GABRB1: variants seen among roughly 807,000 people sequenced by gnomAD.
GABRB1 encodes the protein gamma-aminobutyric acid type A receptor subunit beta1.
In GABRB1, 17 loss-of-function variants were observed where a neutral mutation model predicts 51.6. The observed-to-expected ratio is 0.33, with a 90% CI of 0.23 to 0.49. The LOEUF is 0.49. GABRB1 is among the 20% of genes least tolerant of loss of function. The probability of loss-of-function intolerance (pLI) is 0.99; values close to 1 mark genes in which losing one functional copy is unlikely to be tolerated. For synonymous variants in GABRB1, 247 were observed against 218.9 expected (o/e 1.13, Z -1.14); for missense variants, 410 against 600.6 (o/e 0.68, Z 3.32).
intron 4 of GABRB1, among the ~76,000 whole-genome samples, chr4:47,314,489 T>C (rs950216550): frequency 6.6e-6 from 1 of 152,070 alleles, no homozygotes; most frequent in Non-Finnish European, 1.5e-5. Flanking sequence ...ACTAACCAGA[T>C]GACATTTTTT....
chr4:47,198,219 A>G (rs1486580195), intron 4 of GABRB1, among the ~76,000 whole-genome samples: 1 of 152,188 alleles, frequency 6.6e-6, no homozygotes, highest in East Asian at 1.9e-4. Flanking sequence ...GAGCTGAAGA[A>G]GAATTTTGTG....
At chr4:47,227,682 G>A (rs2109831805) in intron 4 of GABRB1, among the ~76,000 whole-genome samples, 1 of 152,180 alleles carries the variant, frequency 6.6e-6, no homozygotes, top group Middle Eastern at 3.4e-3. Flanking sequence ...GTTACATGAG[G>A]GGCTGTCTTA....
intron 4 of GABRB1, among the ~76,000 whole-genome samples, chr4:47,309,110 A>G (rs530894814): frequency 1.8e-4 from 28 of 152,266 alleles, no homozygotes; most frequent in African/African-American, 6.5e-4. Context: ...CTTACACTTC[A>G]TAGACATATG....
chr4:47,106,000 G>A (rs1030481231), intron 3 of GABRB1, among the ~76,000 whole-genome samples: 2 of 152,076 alleles, frequency 1.3e-5, no homozygotes, highest in East Asian at 3.9e-4. Context: ...CCTCTCATTA[G>A]AGGTGCCTAC....
intron 3 of GABRB1, among the ~76,000 whole-genome samples, chr4:47,077,923 T>C (rs1442658843): frequency 2.3e-5 from 3 of 129,564 alleles, no homozygotes; most frequent in Non-Finnish European, 3.2e-5. Context: ...TTATATATTT[T>C]ATATATATTA....
chr4:47,361,194 C>T (rs1264786831), intron 5 of GABRB1, among the ~76,000 whole-genome samples: 1 of 151,934 alleles, frequency 6.6e-6, no homozygotes, highest in Non-Finnish European at 1.5e-5. Context: ...AACAAAACAA[C>T]TAAAAAAGGA....
intron 3 of GABRB1, among the ~76,000 whole-genome samples, chr4:47,077,849 TA>T (rs1162158931): frequency 1.4e-5 from 2 of 141,086 alleles, no homozygotes; most frequent in Non-Finnish European, 3.0e-5. Context: ...ATTTTATATA[TA>T]TTTTTATATA....
chr4:47,224,357 C>A (rs770960096), intron 4 of GABRB1, among the ~76,000 whole-genome samples: 2 of 151,886 alleles, frequency 1.3e-5, no homozygotes, highest in Non-Finnish European at 2.9e-5. Context: ...ACTTTATTCA[C>A]GACTATTGCA....
intron 4 of GABRB1, among the ~76,000 whole-genome samples, chr4:47,295,841 T>G (rs1382099067): frequency 1.3e-5 from 2 of 152,036 alleles, no homozygotes; most frequent in South Asian, 2.1e-4. Flanking sequence ...GGAAAAAATG[T>G]TAAGGGTAGC....
intron 1 of GABRB1, among the ~76,000 whole-genome samples, chr4:47,020,310 T>C (rs906814464): frequency 1.2e-4 from 19 of 152,170 alleles, no homozygotes; most frequent in African/African-American, 4.6e-4. Context: ...AGGATAGGTC[T>C]TCAACTTATG....
chr4:47,375,350 T>A (rs1193486764), intron 5 of GABRB1, among the ~76,000 whole-genome samples: 1 of 152,160 alleles, frequency 6.6e-6, no homozygotes, highest in Admixed American at 6.5e-5. Context: ...AGGAAAACAA[T>A]CATGAATAAA....
At chr4:47,288,515 G>C (rs747767316) in intron 4 of GABRB1, among the ~76,000 whole-genome samples, 6 of 152,066 alleles carry the variant, frequency 3.9e-5, no homozygotes, top group Non-Finnish European at 8.8e-5. Context: ...GCCCGCCTCA[G>C]CCTCCCAAAA....
At chr4:47,007,967 A>G (rs999434474) in intron 1 of GABRB1, among the ~76,000 whole-genome samples, 4 of 150,786 alleles carry the variant, frequency 2.7e-5, no homozygotes, top group African/African-American at 9.8e-5. Flanking sequence ...TTGTGAGATT[A>G]GGTAAATAAT....
At chr4:47,101,489 A>T (rs1386963651) in intron 3 of GABRB1, among the ~76,000 whole-genome samples, 2 of 152,052 alleles carry the variant, frequency 1.3e-5, no homozygotes, top group Non-Finnish European at 2.9e-5. Context: ...TTTATGCTAC[A>T]TTTAATTCAG....
intron 4 of GABRB1, among the ~76,000 whole-genome samples, chr4:47,310,162 A>C (rs891014843): frequency 1.3e-5 from 2 of 152,222 alleles, no homozygotes; most frequent in East Asian, 1.9e-4. Context: ...TTAATAATGT[A>C]AATATTTATC....
chr4:47,045,461 ATC>A (rs1287189921), intron 3 of GABRB1, among the ~76,000 whole-genome samples: 12 of 151,572 alleles, frequency 7.9e-5, no homozygotes, highest in Non-Finnish European at 1.8e-4. Flanking sequence ...CATCATCATC[ATC>A]ATCATCATCA....
chr4:47,318,214 A>G (rs1463016931), intron 4 of GABRB1, among the ~76,000 whole-genome samples: 5 of 151,996 alleles, frequency 3.3e-5, no homozygotes, highest in African/African-American at 1.2e-4. Flanking sequence ...GAATTAAAAG[A>G]GATAATGTAT....
At chr4:47,091,589 C>A (rs1728294243) in intron 3 of GABRB1, among the ~76,000 whole-genome samples, 1 of 152,102 alleles carries the variant, frequency 6.6e-6, no homozygotes, top group Admixed American at 6.6e-5. Flanking sequence ...AGCTAGAAGC[C>A]ACCCCAGAAG....
intron 3 of GABRB1, among the ~76,000 whole-genome samples, chr4:47,036,932 A>C (rs573708013): frequency 6.6e-6 from 1 of 152,236 alleles, no homozygotes; most frequent in East Asian, 1.9e-4. Context: ...TTTTCCATTA[A>C]AATTTCTTTA....
Sources: allele counts gnomAD v4.1 joint callset (sites outside exome capture counted in the v4.1 genomes callset), GRCh38; gene constraint gnomAD v4.1.1; transcripts MANE v1.5; gene names NCBI Gene and HGNC (gene_info 2026-07-23, HGNC 2026-07-21).